SRGAP1: variants seen among roughly 807,000 people sequenced by gnomAD.
SRGAP1 encodes SLIT-ROBO Rho GTPase-activating protein 1.
SRGAP1 carries 43 observed loss-of-function variants against 121.9 expected under a neutral mutation model. The ratio of observed to expected loss-of-function variants is 0.35; its 90% CI spans 0.28 to 0.46. The LOEUF is 0.46. Ranked by LOEUF, SRGAP1 falls within the 20% of genes least tolerant of loss-of-function variation. The probability of loss-of-function intolerance (pLI) is 1.00; values close to 1 mark genes in which losing one functional copy is unlikely to be tolerated. For missense variants in SRGAP1, 1,102 were observed against 1,350.9 expected, an observed-to-expected ratio of 0.82 and a Z score of 2.89; for synonymous variants, 447 against 485.4, an observed-to-expected ratio of 0.92 and a Z score of 1.04.
chr12:63,886,348 C>T (rs1328676645), intron 1 of SRGAP1, among the ~76,000 whole-genome samples: 3 of 149,194 alleles, frequency 2.0e-5, no homozygotes, highest in Non-Finnish European at 2.9e-5. Flanking sequence ...AGGCATGAGC[C>T]ATCGTGCCTG....
chr12:63,919,800 G>A (rs2030969005), intron 1 of SRGAP1, among the ~76,000 whole-genome samples: 1 of 152,102 alleles, frequency 6.6e-6, no homozygotes, highest in South Asian at 2.1e-4. Context: ...TGTAAAAATA[G>A]TATAACTGTT....
intron 12 of SRGAP1, among the ~76,000 whole-genome samples, chr12:64,092,310 G>A (rs1034619448): frequency 2.0e-5 from 3 of 152,120 alleles, no homozygotes; most frequent in African/African-American, 7.2e-5. Flanking sequence ...ATGGGCTGCG[G>A]TGTTTCTGCA....
chr12:63,886,412 T>C, intron 1 of SRGAP1, among the ~76,000 whole-genome samples: 1 of 149,376 alleles, frequency 6.7e-6, no homozygotes, highest in East Asian at 1.9e-4. Context: ...TTATATGAAG[T>C]TGTAATTTGA....
chr12:64,030,042 T>C (rs2034740608), intron 4 of SRGAP1, among the ~76,000 whole-genome samples: 1 of 152,210 alleles, frequency 6.6e-6, no homozygotes, highest in South Asian at 2.1e-4. Context: ...TTTGCTAAAT[T>C]AGAATTTATT....
chr12:63,992,045 C>G (rs962445922), intron 3 of SRGAP1, among the ~76,000 whole-genome samples: 1 of 152,118 alleles, frequency 6.6e-6, no homozygotes, highest in Non-Finnish European at 1.5e-5. Flanking sequence ...AGGCATTCAT[C>G]TAACAGAAGG....
At chr12:63,882,680 A>G (rs1900234958) in intron 1 of SRGAP1, among the ~76,000 whole-genome samples, 2 of 151,892 alleles carry the variant, frequency 1.3e-5, no homozygotes, top group Admixed American at 6.5e-5. Flanking sequence ...CATATTGAAT[A>G]TAAGTATGTC....
At chr12:63,902,098 C>G (rs1044287647) in intron 1 of SRGAP1, among the ~76,000 whole-genome samples, 2 of 152,100 alleles carry the variant, frequency 1.3e-5, no homozygotes, top group East Asian at 3.9e-4. Flanking sequence ...GCGGATCGCT[C>G]GAGCTCAGGA....
At chr12:64,017,146 G>A in intron 4 of SRGAP1, 134 bp downstream of exon 4, 1 of 568,014 alleles carries the variant, frequency 1.8e-6, no homozygotes, top group Non-Finnish European at 3.1e-6. Context: ...ACAGGAACAA[G>A]GGATAGGTAT....
intron 12 of SRGAP1, among the ~76,000 whole-genome samples, chr12:64,091,639 T>C (rs539918208): frequency 6.6e-6 from 1 of 152,298 alleles, no homozygotes; most frequent in Admixed American, 6.5e-5. Context: ...AAAAGAGCCA[T>C]AATTTGTACA....
intron 4 of SRGAP1, among the ~76,000 whole-genome samples, chr12:64,038,207 A>C (rs577964192): frequency 1.3e-5 from 2 of 152,192 alleles, no homozygotes; most frequent in African/African-American, 4.8e-5. Context: ...AATGCTGAAA[A>C]GTATGTCTAG....
intron 3 of SRGAP1, among the ~76,000 whole-genome samples, chr12:63,991,289 T>G (rs2033550761): frequency 6.6e-6 from 1 of 152,164 alleles, no homozygotes. Flanking sequence ...ATTAATGACA[T>G]ATTTATGTTT....
chr12:64,091,932 G>C (rs2036060533), intron 12 of SRGAP1: 1 of 1,535,486 alleles, frequency 6.5e-7, no homozygotes, highest in Non-Finnish European at 8.7e-7. Context: ...ATCAGGTATA[G>C]TGCTAGAGGG....
chr12:64,128,311 A>G (rs1477318404), intron 21 of SRGAP1, 111 bp downstream of exon 21: 3 of 1,076,992 alleles, frequency 2.8e-6, no homozygotes, highest in Non-Finnish European at 2.6e-6. Flanking sequence ...ATTTCTGTAT[A>G]GAACCAACTA....
In SRGAP1 at chr12:64,111,774, C is replaced by T. The variant is rs762944788; in HGVS notation, c.1932C>T (p.Tyr644=). ...LFAFLNHLSQ[Y]SDENMMDPYN... is the part of the protein sequence containing the mutation. ...TTTCCTTTTGTAGTCTATCACAGTA[C>T]AGCGATGAGAATATGATGGACCCTT... Residue 644 remains tyrosine, a synonymous_variant, in exon 17 of 22, where the codon TAC becomes TAT. Transcript: ENST00000355086. The T allele has an allele frequency of 6.2e-6, 10 of 1,610,990 alleles. No individual in the cohort carries two copies. In the African/African-American group the frequency reaches 1.1e-4, roughly 17 times the overall value.
At chr12:64,107,458 G>A (rs565798423) in intron 15 of SRGAP1, among the ~76,000 whole-genome samples, 1 of 152,306 alleles carries the variant, frequency 6.6e-6, no homozygotes, top group African/African-American at 2.4e-5. Flanking sequence ...CAAGACTTCA[G>A]TTAGAAAATT....
chr12:63,863,747 T>C (rs1899533147), intron 1 of SRGAP1, among the ~76,000 whole-genome samples: 3 of 152,218 alleles, frequency 2.0e-5, no homozygotes, highest in Admixed American at 6.5e-5. Flanking sequence ...TTTAAACAAA[T>C]TAAATTTAAC....
intron 4 of SRGAP1, among the ~76,000 whole-genome samples, chr12:64,023,227 A>G (rs12816149): frequency 1.5e-5 from 2 of 135,112 alleles, no homozygotes; most frequent in Non-Finnish European, 3.2e-5. Flanking sequence ...AAAAAAAAAA[A>G]GGAAGGTAAC....
intron 15 of SRGAP1, among the ~76,000 whole-genome samples, chr12:64,100,152 A>G (rs1033014481): frequency 3.3e-5 from 5 of 152,178 alleles, no homozygotes; most frequent in African/African-American, 1.2e-4. Flanking sequence ...CATTACTACT[A>G]TTACAATTAC....
At chr12:63,967,343 G>A (rs986306861) in intron 1 of SRGAP1, among the ~76,000 whole-genome samples, 1 of 152,194 alleles carries the variant, frequency 6.6e-6, no homozygotes, top group African/African-American at 2.4e-5. Context: ...TCGGGAGGCT[G>A]AAGAGGGAGG....
Sources: gnomAD v4.1 joint callset for allele counts (sites outside exome capture counted in the v4.1 genomes callset) on GRCh38, gnomAD v4.1.1 for gene constraint, MANE v1.5 for transcripts, NCBI Gene and HGNC (gene_info 2026-07-23, HGNC 2026-07-21) for gene names.